CAMKMT: variants seen among roughly 807,000 people sequenced by gnomAD.
The protein encoded by CAMKMT is calmodulin-lysine N-methyltransferase, also known as CaM KMT.
CAMKMT carries 53 observed loss-of-function variants against 48.0 expected under a neutral mutation model. The observed-to-expected ratio is 1.10, with a 90% CI of 0.89 to 1.39. CAMKMT has a LOEUF of 1.39. Ranked by LOEUF, CAMKMT falls within the 40% of genes most tolerant of loss-of-function variation. The pLI, the probability that CAMKMT is intolerant of heterozygous loss-of-function variation, is 0.00. For synonymous variants in CAMKMT, 165 were observed against 152.3 expected (o/e 1.08, Z -0.61); for missense variants, 428 against 402.7 (o/e 1.06, Z -0.54).
intron 3 of CAMKMT, among the ~76,000 whole-genome samples, chr2:44,642,563 T>C (rs559240437): frequency 6.6e-6 from 1 of 152,366 alleles, no homozygotes; most frequent in South Asian, 2.1e-4. Context: ...TTCCTTCTGC[T>C]TCTCTGCATT....
intron 3 of CAMKMT, among the ~76,000 whole-genome samples, chr2:44,556,825 C>A (rs1668040978): frequency 6.6e-6 from 1 of 150,964 alleles, no homozygotes; most frequent in African/African-American, 2.4e-5. Flanking sequence ...CGCCTGTAAT[C>A]CTAGCACTTT....
intron 3 of CAMKMT, among the ~76,000 whole-genome samples, chr2:44,542,533 ACACACT>A (rs1356334966): frequency 1.3e-3 from 80 of 62,428 alleles, no homozygotes; most frequent in Middle Eastern, 7.9e-3. Context: ...ACACACACAC[ACACACT>A]CTCTCTCTCT....
Position 44,704,249 on chromosome 2 carries a change from A to G in CAMKMT, c.377-34A>G, listed in dbSNP as rs553838031. 2.7e-5 allele frequency: 42 copies of G among 1,573,064 alleles called. 1 individual carries two copies. In the South Asian group the frequency reaches 3.5e-4, roughly 13 times the overall value. On this transcript the variant is annotated intron_variant, in intron 3 of 10. Transcript: ENST00000378494. ...GCCGTTTCTTAAAAGAATGACTTCT[A>G]TAATCAAAAGGTTTATCCTCTTGTG...
intron 3 of CAMKMT, among the ~76,000 whole-genome samples, chr2:44,412,021 G>A (rs1683238252): frequency 8.3e-6 from 1 of 121,152 alleles, no homozygotes; most frequent in Admixed American, 1.0e-4. Flanking sequence ...AGCAGACAGT[G>A]TAGATTTGCA....
chr2:44,738,517 C>T (rs923034550), intron 7 of CAMKMT, among the ~76,000 whole-genome samples: 9 of 152,158 alleles, frequency 5.9e-5, no homozygotes, highest in African/African-American at 9.7e-5. Flanking sequence ...TTCTTGAGGG[C>T]CTTCTGTGTG....
intron 3 of CAMKMT, among the ~76,000 whole-genome samples, chr2:44,516,280 C>G (rs1670828705): frequency 6.6e-6 from 1 of 152,208 alleles, no homozygotes; most frequent in African/African-American, 2.4e-5. Flanking sequence ...AAGTAAATGC[C>G]ACAGTGTTAG....
At chr2:44,450,138 A>G (rs964231959) in intron 3 of CAMKMT, among the ~76,000 whole-genome samples, 2 of 152,106 alleles carry the variant, frequency 1.3e-5, no homozygotes, top group Admixed American at 6.6e-5. Context: ...CAGTGAGCAT[A>G]TAAACTAATT....
intron 3 of CAMKMT, among the ~76,000 whole-genome samples, chr2:44,685,141 C>G (rs1427151197): frequency 6.6e-6 from 1 of 151,798 alleles, no homozygotes; most frequent in Non-Finnish European, 1.5e-5. Context: ...AGAAAGAGAT[C>G]AAATTATTTT....
At chr2:44,751,317 G>A (rs1383913121) in intron 8 of CAMKMT, among the ~76,000 whole-genome samples, 1 of 152,126 alleles carries the variant, frequency 6.6e-6, no homozygotes. Context: ...GATGTGAGAG[G>A]CAGTACCAAG....
At chr2:44,712,040 A>G (rs958358414) in intron 6 of CAMKMT, among the ~76,000 whole-genome samples, 1 of 152,208 alleles carries the variant, frequency 6.6e-6, no homozygotes, top group Non-Finnish European at 1.5e-5. Flanking sequence ...ATCCACGAAC[A>G]TAACAATTGG....
intron 10 of CAMKMT, among the ~76,000 whole-genome samples, chr2:44,768,617 G>A (rs1680964720): frequency 6.6e-6 from 1 of 152,110 alleles, no homozygotes; most frequent in Non-Finnish European, 1.5e-5. Flanking sequence ...CTGCAGCAGG[G>A]CGCGAAGGCG....
At chr2:44,372,682 T>G (rs1258766250) in intron 1 of CAMKMT, 34 bp from the exon 2 acceptor site, 1 of 1,594,592 alleles carries the variant, frequency 6.3e-7, no homozygotes, top group Non-Finnish European at 8.5e-7. Context: ...TATGTTTAGA[T>G]AACATGACTG....
intron 3 of CAMKMT, among the ~76,000 whole-genome samples, chr2:44,672,219 C>T (rs527379896): frequency 1.3e-5 from 2 of 152,212 alleles, no homozygotes; most frequent in South Asian, 4.2e-4. Flanking sequence ...GGGAGATAGC[C>T]GCATGCAGAC....
intron 7 of CAMKMT, among the ~76,000 whole-genome samples, chr2:44,729,123 G>A (rs757165003): frequency 6.6e-6 from 1 of 152,008 alleles, no homozygotes; most frequent in African/African-American, 2.4e-5. Flanking sequence ...GGTCATTCCA[G>A]AGAAGTGACT....
chr2:44,577,234 T>C (rs766888586), intron 3 of CAMKMT, among the ~76,000 whole-genome samples: 1 of 152,232 alleles, frequency 6.6e-6, no homozygotes, highest in Admixed American at 6.5e-5. Flanking sequence ...GTGAAGGACT[T>C]GCCATCCCAA....
At chr2:44,568,306 G>A (rs538049075) in intron 3 of CAMKMT, among the ~76,000 whole-genome samples, 7 of 152,246 alleles carry the variant, frequency 4.6e-5, no homozygotes, top group African/African-American at 1.4e-4. Context: ...AAGTTTATGT[G>A]TGTTGTGTCT....
intron 8 of CAMKMT, among the ~76,000 whole-genome samples, chr2:44,752,137 T>C (rs948030436): frequency 6.6e-6 from 1 of 151,994 alleles, no homozygotes; most frequent in Non-Finnish European, 1.5e-5. Flanking sequence ...TTGGGCCCCA[T>C]GGTTTTGGCA....
chr2:44,744,716 T>C (rs1226352476), intron 8 of CAMKMT, among the ~76,000 whole-genome samples: 1 of 152,132 alleles, frequency 6.6e-6, no homozygotes, highest in Non-Finnish European at 1.5e-5. Flanking sequence ...GTTTTGTTAT[T>C]ATTATTATTT....
chr2:44,471,898 C>T (rs1042768395), intron 3 of CAMKMT, among the ~76,000 whole-genome samples: 2 of 151,956 alleles, frequency 1.3e-5, no homozygotes, highest in Non-Finnish European at 2.9e-5. Flanking sequence ...GAAGACTGGT[C>T]TCAAACTACT....
Sources: gnomAD v4.1 joint callset for allele counts (sites outside exome capture counted in the v4.1 genomes callset) on GRCh38, gnomAD v4.1.1 for gene constraint, MANE v1.5 for transcripts, NCBI Gene and HGNC (gene_info 2026-07-23, HGNC 2026-07-21) for gene names.